The following SUGCT variants were observed in gnomAD, a reference collection of about 807,000 sequenced individuals.
SUGCT encodes the protein succinyl-CoA:glutarate-CoA transferase.
Under a neutral mutation model 55.0 loss-of-function variants are expected in SUGCT, and 41 were observed. The ratio of observed to expected loss-of-function variants is 0.74; its 90% confidence interval spans 0.58 to 0.97. The LOEUF (loss-of-function observed/expected upper bound fraction) is 0.97, where lower values mean the gene tolerates loss of function less well. Among genes scored for constraint, SUGCT ranks in the 50% least tolerant of loss-of-function variants. SUGCT has a pLI of 0.00. For missense variants in SUGCT, 568 were observed against 547.8 expected (o/e 1.04, Z -0.37); for synonymous variants, 187 against 200.4 (o/e 0.93, Z 0.56).
At chr7:40,791,853 C>T (rs978590429) in intron 13 of SUGCT, among the ~76,000 whole-genome samples, 2 of 152,174 alleles carry the variant, frequency 1.3e-5, no homozygotes, top group Non-Finnish European at 2.9e-5. Context: ...TTGTTTGTGA[C>T]ACAAGCTCCC....
intron 1 of SUGCT, among the ~76,000 whole-genome samples, chr7:40,155,212 G>A (rs1451388471): frequency 6.6e-6 from 1 of 151,926 alleles, no homozygotes; most frequent in African/African-American, 2.4e-5. Context: ...TTGAACCTGG[G>A]AGGCGGAGGT....
chr7:40,767,678 A>C (rs1364328809), intron 13 of SUGCT, among the ~76,000 whole-genome samples: 1 of 152,216 alleles, frequency 6.6e-6, no homozygotes, highest in Non-Finnish European at 1.5e-5. Flanking sequence ...AGGTGCCCTG[A>C]TAGGCAGTGG....
At chr7:40,590,096 G>A (rs562976750) in intron 12 of SUGCT, among the ~76,000 whole-genome samples, 2 of 152,078 alleles carry the variant, frequency 1.3e-5, no homozygotes, top group Non-Finnish European at 2.9e-5. Flanking sequence ...ATGGTGATTT[G>A]TGTTTAGTGA....
In SUGCT at chr7:40,136,713, T is replaced by C. The variant is rs1787714334; in HGVS notation, c.100+1593T>C. On this transcript the variant is annotated intron_variant, in intron 1 of 13. Coordinates refer to ENST00000335693, the MANE Select transcript of SUGCT (RefSeq NM_001193313.2). ...TGGACATTGTCTTTAGTGTTTAACT[T>C]AATGCTTGGGAATTGCTCATTTGAA... Among the ~76,000 whole-genome samples, 3 of 152,200 alleles carry C rather than the reference T, an allele frequency of 2.0e-5. No individual in the cohort carries two copies. The South Asian group carries it at 6.2e-4, about 31-fold the overall frequency.
intron 9 of SUGCT, among the ~76,000 whole-genome samples, chr7:40,400,724 G>A (rs1786018377): frequency 6.6e-6 from 1 of 152,122 alleles, no homozygotes; most frequent in South Asian, 2.1e-4. Context: ...TTGCTGATGT[G>A]TTGGATTTCT....
the SUGCT span, among the ~76,000 whole-genome samples, chr7:40,925,192 T>C: frequency 3.3e-5 from 5 of 152,234 alleles, no homozygotes; most frequent in East Asian, 7.7e-4. Flanking sequence ...AAGCAAATCC[T>C]GACTTTCTAT....
At chr7:40,192,681 G>A (rs1213338173) in intron 5 of SUGCT, among the ~76,000 whole-genome samples, 1 of 146,218 alleles carries the variant, frequency 6.8e-6, no homozygotes, top group Non-Finnish European at 1.5e-5. Flanking sequence ...TCCCAGGCTA[G>A]GGTACAATGG....
chr7:40,546,053 A>G lies in SUGCT; in HGVS notation c.1089+49667A>G, dbSNP rs142781961. ...AGTTAATCTTCAAGCCCAGCACTCAAATGTCTTTCACCTTTGACATGGGAT... is the reference window on the plus strand; with the variant it reads ...AGTTAATCTTCAAGCCCAGCACTCAGATGTCTTTCACCTTTGACATGGGAT... On this transcript the variant is annotated intron_variant, in intron 12 of 13. Transcript: ENST00000335693. Among the ~76,000 whole-genome samples, 590 of 152,298 alleles carry G rather than the reference A, an allele frequency of 3.9e-3. 4 individuals are homozygous for G. Among genetic ancestry groups the G allele is most frequent in the African/African-American group, 0.013 (560 of 41,568 alleles).
intron 13 of SUGCT, among the ~76,000 whole-genome samples, chr7:40,849,328 C>T (rs1793735811): frequency 6.6e-6 from 1 of 152,028 alleles, no homozygotes; most frequent in Non-Finnish European, 1.5e-5. Flanking sequence ...ATCAGACTGG[C>T]CAGCTATGTT....
At chr7:40,826,288 C>T (rs1253429125) in intron 13 of SUGCT, among the ~76,000 whole-genome samples, 1 of 152,134 alleles carries the variant, frequency 6.6e-6, no homozygotes, top group Non-Finnish European at 1.5e-5. Flanking sequence ...TAGGGCAAAG[C>T]ATTTAGTATT....
the SUGCT span, among the ~76,000 whole-genome samples, chr7:40,946,416 C>T: frequency 6.6e-6 from 1 of 152,116 alleles, no homozygotes; most frequent in South Asian, 2.1e-4. Flanking sequence ...GGGCCGTTCT[C>T]TAGCCACTGG....
chr7:41,024,575 A>G, the SUGCT span, among the ~76,000 whole-genome samples: 1 of 152,042 alleles, frequency 6.6e-6, no homozygotes, highest in Non-Finnish European at 1.5e-5. Flanking sequence ...GCCAATAAAC[A>G]TATGAAAAGA....
chr7:40,436,145 G>A (rs1788165715), intron 9 of SUGCT, among the ~76,000 whole-genome samples: 1 of 151,890 alleles, frequency 6.6e-6, no homozygotes, highest in South Asian at 2.1e-4. Context: ...GTTTCGTCAT[G>A]TTGGCCAGGC....
chr7:40,872,523 T>C, the SUGCT span, among the ~76,000 whole-genome samples: 4 of 152,326 alleles, frequency 2.6e-5, no homozygotes, highest in South Asian at 8.3e-4. Flanking sequence ...ATTAGAGAAC[T>C]ATAAGTTGTC....
intron 6 of SUGCT, among the ~76,000 whole-genome samples, chr7:40,234,551 T>C (rs1006210506): frequency 2.0e-5 from 3 of 152,246 alleles, no homozygotes; most frequent in African/African-American, 7.2e-5. Flanking sequence ...AATTTATACA[T>C]TTTGTTATTG....
chr7:40,788,474 G>C lies in SUGCT; in HGVS notation c.1153+38977G>C, dbSNP rs181297000. ...CCATCATATAAAAGCTTCAAAAGCA[G>C]TTACAAACACACATAAAACAAAGGT... On this transcript the variant is annotated intron_variant, in intron 13 of 13. Coordinates refer to ENST00000335693, the MANE Select transcript of SUGCT (RefSeq NM_001193313.2). Among the ~76,000 whole-genome samples the C allele has an allele frequency of 3.9e-5, 6 of 152,328 alleles. No homozygotes were observed. The East Asian group carries it at 7.7e-4, about 20-fold the overall frequency.
chr7:41,032,165 A>C, the SUGCT span, among the ~76,000 whole-genome samples: 1 of 152,140 alleles, frequency 6.6e-6, no homozygotes, highest in African/African-American at 2.4e-5. Context: ...TACACACAAC[A>C]AAAGAATTAT....
At chr7:40,967,949 A>G in the SUGCT span, among the ~76,000 whole-genome samples, 1 of 152,196 alleles carries the variant, frequency 6.6e-6, no homozygotes, top group African/African-American at 2.4e-5. Context: ...GACTCAATGG[A>G]TATAGAAAAG....
chr7:40,388,689 T>A (rs1277940904), intron 9 of SUGCT, among the ~76,000 whole-genome samples: 1 of 152,202 alleles, frequency 6.6e-6, no homozygotes, highest in Non-Finnish European at 1.5e-5. Flanking sequence ...GTGCCAGGAT[T>A]ACAGGCATGA....
Sources: gnomAD v4.1 joint callset for allele counts (sites outside exome capture counted in the v4.1 genomes callset) on GRCh38, gnomAD v4.1.1 for gene constraint, MANE v1.5 for transcripts, NCBI Gene and HGNC (gene_info 2026-07-23, HGNC 2026-07-21) for gene names.